IPP: variants seen among roughly 807,000 people sequenced by gnomAD.
The protein encoded by IPP is actin-binding protein IPP.
In IPP, 41 loss-of-function variants were observed where a neutral mutation model predicts 64.1. The ratio of observed to expected loss-of-function variants is 0.64; its 90% CI spans 0.50 to 0.83. The LOEUF (loss-of-function observed/expected upper bound fraction) is 0.83. Ranked by LOEUF, IPP falls within the 40% of genes least tolerant of loss-of-function variation. The probability of loss-of-function intolerance (pLI) is 0.00; values close to 1 mark genes in which losing one functional copy is unlikely to be tolerated. For missense variants in IPP, 649 were observed against 703.0 expected (o/e 0.92, Z 0.87); for synonymous variants, 214 against 235.2 (o/e 0.91, Z 0.83).
intron 8 of IPP, among the ~76,000 whole-genome samples, chr1:45,713,000 A>G (rs1055110104): frequency 1.3e-5 from 2 of 152,018 alleles, no homozygotes; most frequent in Admixed American, 6.6e-5. Flanking sequence ...AAAAGGCAAC[A>G]TATCAAAATA....
intron 3 of IPP, among the ~76,000 whole-genome samples, chr1:45,740,433 C>A: frequency 6.6e-6 from 1 of 152,140 alleles, no homozygotes; most frequent in East Asian, 1.9e-4. Context: ...CCGGACGGGG[C>A]GGCTGGCCGG....
rs752464072 is a variant in IPP at position 45,719,234 on chromosome 1, C to A, written c.1155G>T (p.Val385=). ...SMNHPRCGLG[V]CVCYGAIYAL... The stretch of plus-strand genomic sequence containing the variant: ...CATAGATAGCCCCATAACACACACA[C>A]ACTCCTAAGCCGCAGCGGGGATGAT... The change falls in exon 6 of 9, where the codon GTG becomes GTT. Residue 385 remains valine, a synonymous_variant. Transcript: ENST00000396478. 6.2e-7 allele frequency: 1 copy of A among 1,614,020 alleles called. No homozygotes were observed. Among genetic ancestry groups the A allele is most frequent in the South Asian group, 1.1e-5 (1 of 91,072 alleles).
At chr1:45,743,125 A>T (rs1405721527) in intron 2 of IPP, among the ~76,000 whole-genome samples, 1 of 151,440 alleles carries the variant, frequency 6.6e-6, no homozygotes, top group Non-Finnish European at 1.5e-5. Flanking sequence ...TTCAGTAGGG[A>T]CGAGGTTTCA....
At chr1:45,749,981 A>G (rs1236229931) in intron 1 of IPP, among the ~76,000 whole-genome samples, 1 of 152,100 alleles carries the variant, frequency 6.6e-6, no homozygotes, top group Non-Finnish European at 1.5e-5. Context: ...AGAGCCTGAG[A>G]AGTCGAGGCT....
At chr1:45,716,669 A>G (rs567840026) in intron 7 of IPP, among the ~76,000 whole-genome samples, 1 of 152,328 alleles carries the variant, frequency 6.6e-6, no homozygotes, top group South Asian at 2.1e-4. Context: ...CTTACTTACA[A>G]TTTTTAATTC....
At chr1:45,709,448 A>G (rs1336710894) in intron 8 of IPP, among the ~76,000 whole-genome samples, 1 of 148,372 alleles carries the variant, frequency 6.7e-6, no homozygotes, top group Admixed American at 6.8e-5. Flanking sequence ...AAAAAAAAAA[A>G]AGAGAAGCTC....
At chr1:45,726,329 A>C (rs905286395) in intron 5 of IPP, among the ~76,000 whole-genome samples, 1 of 151,984 alleles carries the variant, frequency 6.6e-6, no homozygotes, top group African/African-American at 2.4e-5. Context: ...GTGGTGGTAC[A>C]TGCCTGTAAT....
intron 1 of IPP, among the ~76,000 whole-genome samples, chr1:45,750,324 A>T (rs1413722662): frequency 1.3e-5 from 2 of 152,182 alleles, no homozygotes; most frequent in Non-Finnish European, 2.9e-5. Flanking sequence ...GGGATCTCAG[A>T]CAAACGAGGC....
intron 6 of IPP, among the ~76,000 whole-genome samples, chr1:45,718,442 C>G (rs78173598): frequency 6.6e-6 from 1 of 152,312 alleles, no homozygotes; most frequent in African/African-American, 2.4e-5. Flanking sequence ...ACTGGCCAGG[C>G]AGGCATCTAC....
At chr1:45,719,765 G>A (rs189313348) in intron 5 of IPP, among the ~76,000 whole-genome samples, 7 of 151,936 alleles carry the variant, frequency 4.6e-5, no homozygotes, top group East Asian at 3.9e-4. Context: ...TCGCTCTGTC[G>A]CCCAGGCTGG....
At chr1:45,725,940 CACA>C in intron 5 of IPP, among the ~76,000 whole-genome samples, 2 of 125,482 alleles carry the variant, frequency 1.6e-5, no homozygotes, top group East Asian at 4.2e-4. Flanking sequence ...TACCCAGGGA[CACA>C]AACACTGCGG....
chr1:45,723,380 T>C (rs1242607739), intron 5 of IPP, among the ~76,000 whole-genome samples: 1 of 152,230 alleles, frequency 6.6e-6, no homozygotes, highest in Non-Finnish European at 1.5e-5. Context: ...ACAGTATTAA[T>C]AGCTAGTGAA....
intron 8 of IPP, among the ~76,000 whole-genome samples, chr1:45,705,993 G>A (rs976124822): frequency 5.3e-5 from 8 of 152,102 alleles, no homozygotes; most frequent in African/African-American, 9.7e-5. Flanking sequence ...GCTGATACAG[G>A]AGACAGAGAT....
chr1:45,716,918 T>C lies in IPP; in HGVS notation c.1286A>G (p.Tyr429Cys), dbSNP rs776138911. ...VVGNMAVSRY[Y>C]FGCCEMQGLI... ...ACCTTGCATTTCACAGCACCCAAAG[T>C]AGTAGCGTGACACAGCCATGTTACC... Residue 429 changes from tyrosine to cysteine, a missense_variant, in exon 7 of 9, where the codon TAC becomes TGC. Coordinates refer to ENST00000396478, the MANE Select transcript of IPP (RefSeq NM_005897.3). 3 of 1,613,048 alleles carry C rather than the reference T, an allele frequency of 1.9e-6. No homozygotes were observed. The African/African-American group carries it at 4.0e-5, about 22-fold the overall frequency.
chr1:45,737,506 G>A (rs374323777), intron 3 of IPP, among the ~76,000 whole-genome samples: 11 of 148,682 alleles, frequency 7.4e-5, no homozygotes, highest in Non-Finnish European at 1.3e-4. Context: ...TGCCACCCAG[G>A]CTAGAGTACG....
intron 4 of IPP, among the ~76,000 whole-genome samples, chr1:45,728,760 T>G (rs1322656496): frequency 6.6e-6 from 1 of 152,122 alleles, no homozygotes; most frequent in Non-Finnish European, 1.5e-5. Context: ...CCTTCCAAAG[T>G]GCTGGGATTA....
Position 45,746,221 on chromosome 1 carries a change from G to A in IPP, c.191C>T (p.Ala64Val), listed in dbSNP as rs147070228. ...VLAASSPYFA[A>V]LFTGGMKESS... ...CTCTTTCATTCCTCCAGTGAACAAA[G>A]CTGCAAAGTAAGGACTGCTGGCAGC... Residue 64 changes from alanine (A) to valine (V), a missense_variant, in exon 2 of 9, where the codon GCT (alanine) becomes GTT (valine). Physicochemically the swap from Ala to Val is moderately conservative, Grantham distance 64. Coordinates refer to ENST00000396478, the MANE Select transcript of IPP (RefSeq NM_005897.3). 13 of 1,614,006 alleles carry A rather than the reference G, an allele frequency of 8.1e-6. No homozygotes were observed. Among genetic ancestry groups the A allele is most frequent in the Non-Finnish European group, 1.1e-5 (13 of 1,179,988 alleles).
intron 5 of IPP, among the ~76,000 whole-genome samples, chr1:45,725,026 GC>G (rs1645794877): frequency 7.0e-6 from 1 of 143,406 alleles, no homozygotes; most frequent in African/African-American, 2.6e-5. Context: ...GGGGGGGTCA[GC>G]CCCCCGCCCG....
At chr1:45,744,980 G>A (rs1405690388) in intron 2 of IPP, among the ~76,000 whole-genome samples, 2 of 152,042 alleles carry the variant, frequency 1.3e-5, no homozygotes, top group Non-Finnish European at 2.9e-5. Context: ...AGCACTACTT[G>A]AGCCCAGGAG....
Sources: allele counts gnomAD v4.1 joint callset (sites outside exome capture counted in the v4.1 genomes callset), GRCh38; gene constraint gnomAD v4.1.1; transcripts MANE v1.5; gene names NCBI Gene and HGNC (gene_info 2026-07-23, HGNC 2026-07-21).